The following AASDH variants were observed in gnomAD, a reference collection of about 807,000 sequenced individuals.
The protein encoded by AASDH is beta-alanine-activating enzyme.
In AASDH, 81 loss-of-function variants were observed where a neutral mutation model predicts 102.3. The observed-to-expected ratio is 0.79, with a 90% CI of 0.66 to 0.95. The LOEUF is 0.95. Ranked by LOEUF, AASDH falls within the 40% of genes least tolerant of loss-of-function variation. The pLI, the probability that AASDH is intolerant of heterozygous loss-of-function variation, is 0.00. For missense variants in AASDH, 1,203 were observed against 1,266.2 expected (o/e 0.95, Z 0.76); for synonymous variants, 398 against 454.0 (o/e 0.88, Z 1.57).
At chr4:56,365,308 A>T (rs1750856076) in intron 5 of AASDH, among the ~76,000 whole-genome samples, 1 of 152,096 alleles carries the variant, frequency 6.6e-6, no homozygotes, top group African/African-American at 2.4e-5. Context: ...TAGACAGATC[A>T]CCGAGACAGA....
chr4:56,371,341 C>T (rs1309061059), intron 5 of AASDH, 110 bp downstream of exon 5: 23 of 1,132,654 alleles, frequency 2.0e-5, no homozygotes, highest in Non-Finnish European at 2.4e-5. Context: ...GATAATCTAA[C>T]CAGATTATAT....
chr4:56,356,845 G>T, intron 5 of AASDH: 1 of 853,592 alleles, frequency 1.2e-6, no homozygotes, highest in Non-Finnish European at 2.0e-6. Flanking sequence ...TCACTGGGGC[G>T]GCAATGTCCT....
intron 14 of AASDH, among the ~76,000 whole-genome samples, chr4:56,340,429 A>T (rs1747525113): frequency 6.6e-6 from 1 of 152,134 alleles, no homozygotes; most frequent in Non-Finnish European, 1.5e-5. Context: ...GGGAATGGAC[A>T]CCCCTCTTCA....
In AASDH at chr4:56,338,329, G is replaced by T; in HGVS notation, c.*73C>A. The T allele has an allele frequency of 6.8e-7, 1 of 1,474,130 alleles. No individual in the cohort carries two copies. Among genetic ancestry groups the T allele is most frequent in the Non-Finnish European group, 9.2e-7 (1 of 1,086,626 alleles). The allele number at this position is 1,474,130 out of a possible 1,614,324, so 91.3% of individuals were successfully genotyped here. A position where few individuals can be genotyped will look rare whatever the true frequency, so the allele number is the denominator to read the frequency against. ...TATAATCTTCTTTAATATAAAATAA[G>T]TCCACATGATGTATAATGGTAAAAT... On this transcript the variant is annotated 3_prime_UTR_variant, in exon 15 of 15. Transcript: ENST00000205214.
chr4:56,363,138 TC>T (rs1307279214), intron 5 of AASDH, among the ~76,000 whole-genome samples: 2 of 152,080 alleles, frequency 1.3e-5, no homozygotes, highest in East Asian at 3.9e-4. Flanking sequence ...AGCACAGCAG[TC>T]TGAGATCAAA....
chr4:56,342,694 C>T (rs1747842765), intron 14 of AASDH, 141 bp downstream of exon 14: 1 of 225,162 alleles, frequency 4.4e-6, no homozygotes, highest in Non-Finnish European at 8.2e-6. Flanking sequence ...TCAGTTGTCA[C>T]CATCTGCTTT....
At chr4:56,374,080 TA>T (rs1450240663) in intron 4 of AASDH, among the ~76,000 whole-genome samples, 3 of 152,116 alleles carry the variant, frequency 2.0e-5, no homozygotes, top group African/African-American at 7.2e-5. Context: ...AAGATTATTT[TA>T]AGGTAAAGAC....
chr4:56,370,277 C>T (rs1003270075), intron 5 of AASDH, among the ~76,000 whole-genome samples: 4 of 151,748 alleles, frequency 2.6e-5, no homozygotes, highest in South Asian at 2.1e-4. Context: ...GCACAAGAAT[C>T]GCCGGAACCC....
At chr4:56,377,766 C>T (rs1181743188) in intron 4 of AASDH, among the ~76,000 whole-genome samples, 2 of 152,052 alleles carry the variant, frequency 1.3e-5, no homozygotes, top group African/African-American at 4.8e-5. Flanking sequence ...TAAAACCAAA[C>T]GTTTTAAAAT....
Position 56,349,350 on chromosome 4 carries a change from A to G in AASDH, c.2401T>C (p.Ser801Pro), listed in dbSNP as rs753172864. ...SHRMKAVDFYSGKVKWEQILG... is the reference protein window; with the variant it reads ...SHRMKAVDFYPGKVKWEQILG... Reference sequence around the variant, plus strand: ...ATCTGTTCCCATTTTACCTTCCCAGAGTAAAAGTCAACTGCCTTCATTCTA... The same window carrying G: ...ATCTGTTCCCATTTTACCTTCCCAGGGTAAAAGTCAACTGCCTTCATTCTA... Residue 801 changes from serine to proline, a missense_variant, in exon 11 of 15, where the codon TCT becomes CCT. Coordinates refer to ENST00000205214, the MANE Select transcript of AASDH (RefSeq NM_181806.4). The G allele has an allele frequency of 1.9e-6, 3 of 1,614,208 alleles. No individual in the cohort carries two copies. Among genetic ancestry groups the G allele is most frequent in the Non-Finnish European group, 2.5e-6 (3 of 1,180,044 alleles).
chr4:56,352,676 G>A (rs1029918500), intron 9 of AASDH, among the ~76,000 whole-genome samples: 2 of 152,174 alleles, frequency 1.3e-5, no homozygotes, highest in South Asian at 2.1e-4. Flanking sequence ...GATTATAGGC[G>A]CGAGTTGCCG....
chr4:56,387,335 C>G (rs552459581), intron 1 of AASDH, 27 bp downstream of exon 1: 2 of 152,574 alleles, frequency 1.3e-5, no homozygotes, highest in South Asian at 2.1e-4. Flanking sequence ...AGACCCCCGC[C>G]GGACACCGCG....
rs201284241 is a variant in AASDH, at chr4:56,384,077, T to C, written c.223A>G (p.Ile75Val). The C allele has an allele frequency of 2.9e-5, 46 of 1,612,202 alleles. No homozygotes were observed. Among genetic ancestry groups the C allele is most frequent in the Non-Finnish European group, 6.8e-6 (8 of 1,178,450 alleles). The change falls in exon 2 of 15, where the codon ATT becomes GTT. Residue 75 changes from isoleucine (I) to valine (V), a missense_variant. Transcript: ENST00000205214. ...CQPGIDLPSW[I>V]LGILQVPAAY... Reference sequence around the variant, plus strand: ...AGTTCTAAAAAATATTACCCTAAAATCCAAGAGGGTAAGTCTATCCCAGGT... The same window carrying C: ...AGTTCTAAAAAATATTACCCTAAAACCCAAGAGGGTAAGTCTATCCCAGGT...
chr4:56,353,837 AT>A (rs1749269807), intron 8 of AASDH, among the ~76,000 whole-genome samples: 2 of 152,308 alleles, frequency 1.3e-5, no homozygotes, highest in African/African-American at 2.4e-5. Flanking sequence ...TCAAAATCTA[AT>A]TTGTCACTTA....
chr4:56,364,417 C>T (rs965749660), intron 5 of AASDH, among the ~76,000 whole-genome samples: 7 of 152,028 alleles, frequency 4.6e-5, no homozygotes, highest in African/African-American at 1.7e-4. Context: ...ACAAAATTGT[C>T]AGATTCACCG....
chr4:56,345,119 A>G lies in AASDH; in HGVS notation c.2652+8T>C, dbSNP rs372172793. ...ACCATGCCCAGCTAATTTGAGGTCA[A>G]TCCTTACATAAATATCTAAAGCATA... On this transcript the variant is annotated splice_region_variant and intron_variant, in intron 12 of 14. Coordinates refer to ENST00000205214, the MANE Select transcript of AASDH (RefSeq NM_181806.4). The G allele has an allele frequency of 1.2e-6, 2 of 1,613,290 alleles. No homozygotes were observed. Among genetic ancestry groups the G allele is most frequent in the African/African-American group, 2.7e-5 (2 of 74,880 alleles).
chr4:56,353,429 G>A lies in AASDH; in HGVS notation c.1551C>T (p.Ile517=), dbSNP rs75769701. The A allele has an allele frequency of 3.1e-3, 5,027 of 1,609,614 alleles. 149 individuals carry two copies. In the African/African-American group the frequency reaches 0.057, roughly 18 times the overall value. ...CGTGGGATGTAAATGGTAGAGAGTC[G>A]ATCAATACAAGCTCATCCGGGACTG... ...SHAVPDELVL[I]DSLPFTSHGK... The change falls in exon 9 of 15, where the codon ATC becomes ATT. Residue 517 remains isoleucine, a synonymous_variant. Transcript: ENST00000205214.
intron 11 of AASDH, among the ~76,000 whole-genome samples, chr4:56,346,734 G>C (rs1748370466): frequency 6.6e-6 from 1 of 152,144 alleles, no homozygotes; most frequent in Non-Finnish European, 1.5e-5. Flanking sequence ...GATACACAGA[G>C]AGCAAATGAG....
intron 3 of AASDH, among the ~76,000 whole-genome samples, chr4:56,380,285 A>C (rs1752811519): frequency 1.3e-5 from 2 of 152,196 alleles, no homozygotes; most frequent in African/African-American, 4.8e-5. Flanking sequence ...GAGATGCTAA[A>C]CTGAATTTGT....
Sources: allele counts gnomAD v4.1 joint callset (sites outside exome capture counted in the v4.1 genomes callset), GRCh38; gene constraint gnomAD v4.1.1; transcripts MANE v1.5; gene names NCBI Gene and HGNC (gene_info 2026-07-23, HGNC 2026-07-21).